The following DAB1 variants were observed in gnomAD, a reference collection of about 807,000 sequenced individuals.
DAB1 encodes the protein DAB adaptor protein 1, also known as disabled homolog 1.
A neutral mutation model predicts 64.6 loss-of-function variants in DAB1; 15 were observed. The observed-to-expected ratio is 0.23, with a 90% CI of 0.16 to 0.36. The LOEUF (loss-of-function observed/expected upper bound fraction) is 0.36, where lower values mean the gene tolerates loss of function less well. Ranked by LOEUF, DAB1 falls within the 10% of genes least tolerant of loss-of-function variation. DAB1 has a pLI of 1.00. For missense variants in DAB1, 596 were observed against 706.7 expected (o/e 0.84, Z 1.78); for synonymous variants, 235 against 251.9 (o/e 0.93, Z 0.64).
chr1:57,446,712 ATTATAT>A (rs1304308395), intron 7 of DAB1, among the ~76,000 whole-genome samples: 3 of 152,066 alleles, frequency 2.0e-5, no homozygotes, highest in African/African-American at 7.2e-5. Flanking sequence ...TTATTGTATG[ATTATAT>A]TTATATGAAA....
chr1:58,498,361 A>G, intron 3 of DAB1, among the ~76,000 whole-genome samples: 1 of 152,104 alleles, frequency 6.6e-6, no homozygotes, highest in East Asian at 1.9e-4. Context: ...GAGAGGTTTA[A>G]ATTTTAAATA....
intron 5 of DAB1, among the ~76,000 whole-genome samples, chr1:58,064,540 C>T (rs985238027): frequency 3.9e-5 from 6 of 152,168 alleles, no homozygotes; most frequent in African/African-American, 7.2e-5. Flanking sequence ...GGAAGGATTG[C>T]TCGTCAACCC....
chr1:57,005,816 C>A (rs1303414127), intron 14 of DAB1, among the ~76,000 whole-genome samples: 1 of 152,120 alleles, frequency 6.6e-6, no homozygotes, highest in African/African-American at 2.4e-5. Context: ...ACCTTGTCTG[C>A]AATATTTGTG....
chr1:58,132,708 TCC>T (rs1467612015), intron 5 of DAB1, among the ~76,000 whole-genome samples: 2 of 152,080 alleles, frequency 1.3e-5, no homozygotes, highest in Non-Finnish European at 2.9e-5. Context: ...CCTCTGAGAA[TCC>T]CCCTTCTACA....
At chr1:57,328,447 T>C (rs1243908889) in intron 1 of DAB1, among the ~76,000 whole-genome samples, 2 of 152,006 alleles carry the variant, frequency 1.3e-5, no homozygotes, top group Non-Finnish European at 2.9e-5. Flanking sequence ...TAGACTGTGG[T>C]TTCCTAGCTA....
At chr1:57,084,127 A>T (rs1447060885) in intron 4 of DAB1, among the ~76,000 whole-genome samples, 1 of 152,216 alleles carries the variant, frequency 6.6e-6, no homozygotes, top group African/African-American at 2.4e-5. Flanking sequence ...AAGTGATCTT[A>T]TTTAAAAACA....
At chr1:58,089,320 T>C (rs1474159223) in intron 5 of DAB1, among the ~76,000 whole-genome samples, 1 of 152,278 alleles carries the variant, frequency 6.6e-6, no homozygotes, top group Non-Finnish European at 1.5e-5. Context: ...AATGAGATAA[T>C]GTGCATGCAG....
intron 1 of DAB1, among the ~76,000 whole-genome samples, chr1:57,404,154 A>G (rs1444325841): frequency 2.6e-5 from 4 of 152,226 alleles, no homozygotes; most frequent in African/African-American, 4.8e-5. Flanking sequence ...ATATTATGAT[A>G]CAGGCATGTA....
chr1:57,366,970 G>T (rs951960279), intron 1 of DAB1, among the ~76,000 whole-genome samples: 2 of 151,718 alleles, frequency 1.3e-5, no homozygotes, highest in African/African-American at 4.8e-5. Context: ...ACTTTGGGAG[G>T]CAGAGGCAGG....
intron 3 of DAB1, among the ~76,000 whole-genome samples, chr1:58,350,377 T>C (rs187642740): frequency 2.0e-5 from 3 of 152,302 alleles, no homozygotes; most frequent in Admixed American, 1.3e-4. Flanking sequence ...GGCGGATAGA[T>C]TGTAAAAAAT....
intron 2 of DAB1, among the ~76,000 whole-genome samples, chr1:57,153,575 G>T (rs948484211): frequency 1.3e-5 from 2 of 151,680 alleles, no homozygotes; most frequent in African/African-American, 2.4e-5. Flanking sequence ...ATCCATTTTG[G>T]TTTTTTTATT....
intron 4 of DAB1, among the ~76,000 whole-genome samples, chr1:58,183,687 T>A (rs1656917252): frequency 6.6e-6 from 1 of 152,018 alleles, no homozygotes; most frequent in South Asian, 2.1e-4. Flanking sequence ...ATATTTTAGA[T>A]GACGTATTAT....
Position 58,408,461 on chromosome 1 carries a change from C to T in DAB1, n.258-65058G>A, listed in dbSNP as rs763535009. Among the ~76,000 whole-genome samples the T allele has an allele frequency of 3.3e-5, 5 of 152,166 alleles. No homozygotes were observed. The East Asian group carries it at 5.8e-4, about 18-fold the overall frequency. On this transcript the variant is annotated intron_variant and non_coding_transcript_variant, in intron 3 of 20. Coordinates refer to the DAB1 transcript ENST00000485760. ...TTATTTTCTCCCCTCTCTGATACAA[C>T]GTAAGCTCCACTGGAGAGCAAGGAT...
intron 7 of DAB1, among the ~76,000 whole-genome samples, chr1:57,615,387 G>A (rs998927335): frequency 6.6e-6 from 1 of 152,152 alleles, no homozygotes; most frequent in East Asian, 1.9e-4. Flanking sequence ...TACTTGGAAC[G>A]TGGATGTAAT....
intron 1 of DAB1, among the ~76,000 whole-genome samples, chr1:57,413,743 C>CAAAAAA (rs58388088): frequency 7.4e-4 from 48 of 64,502 alleles, no homozygotes; most frequent in African/African-American, 2.3e-3. Flanking sequence ...GACTCTGTCT[C>CAAAAAA]AAAAAAAAAA....
At chr1:57,063,114 CT>C (rs956891452) in intron 8 of DAB1, among the ~76,000 whole-genome samples, 171 bp from the exon 9 acceptor site, 3 of 152,124 alleles carry the variant, frequency 2.0e-5, no homozygotes, top group Admixed American at 2.0e-4. Context: ...GGCTCCCTCC[CT>C]TAGGAGCATC....
intron 4 of DAB1, among the ~76,000 whole-genome samples, chr1:58,306,319 G>A (rs1662306340): frequency 6.6e-6 from 1 of 152,066 alleles, no homozygotes; most frequent in Admixed American, 6.6e-5. Context: ...TGAAATTTGG[G>A]GGAGGATATT....
At chr1:57,824,036 T>TAA (rs1374179580), downstream of DAB1, among the ~76,000 whole-genome samples, 1 of 152,214 alleles carries the variant, frequency 6.6e-6, no homozygotes, top group East Asian at 1.9e-4. Context: ...TAATCATGGC[T>TAA]AATATATATA....
At chr1:57,372,491 A>G (rs2100939359) in intron 1 of DAB1, among the ~76,000 whole-genome samples, 1 of 152,310 alleles carries the variant, frequency 6.6e-6, no homozygotes, top group South Asian at 2.1e-4. Flanking sequence ...AAACACACAT[A>G]AAGGATCTGC....
Sources: gnomAD v4.1 joint callset for allele counts (sites outside exome capture counted in the v4.1 genomes callset) on GRCh38, gnomAD v4.1.1 for gene constraint, MANE v1.5 for transcripts, NCBI Gene and HGNC (gene_info 2026-07-23, HGNC 2026-07-21) for gene names.